CNKSR1: variants seen among roughly 807,000 people sequenced by gnomAD.
CNKSR1 encodes connector enhancer of kinase suppressor of Ras 1.
A neutral mutation model predicts 95.6 loss-of-function variants in CNKSR1; 88 were observed. That is an observed-to-expected ratio of 0.92 (90% CI 0.78 to 1.10). The LOEUF (loss-of-function observed/expected upper bound fraction) is 1.10, where lower values mean the gene tolerates loss of function less well. Among genes scored for constraint, CNKSR1 ranks in the 50% least tolerant of loss-of-function variants. The probability of loss-of-function intolerance (pLI) is 0.00; values close to 1 mark genes in which losing one functional copy is unlikely to be tolerated. For synonymous variants in CNKSR1, 355 were observed against 369.7 expected (o/e 0.96, Z 0.46); for missense variants, 836 against 912.0 (o/e 0.92, Z 1.07).
rs1417300291 is a variant in CNKSR1 at position 26,189,714 on chromosome 1, C to G, written c.*166C>G. 1.4e-6 allele frequency: 1 copy of G among 728,594 alleles called. No individual in the cohort carries two copies. The highest frequency in any genetic ancestry group is 2.5e-6 in the Non-Finnish European group (1 of 399,092). 45.1% of individuals were successfully genotyped at this position (728,594 alleles called of 1,614,324 possible). A position where few individuals can be genotyped will look rare whatever the true frequency, so the allele number is the denominator to read the frequency against. On this transcript the variant is annotated 3_prime_UTR_variant, in exon 21 of 21. Coordinates refer to ENST00000361530, the MANE Select transcript of CNKSR1 (RefSeq NM_006314.3). ...ACCCCTCTGCCTGGGCTTTGTGCCA[C>G]CCTCTCCCTTGCCAAAGAAGAAACT...
Position 26,184,612 on chromosome 1 carries a change from G to A in CNKSR1, c.1135G>A (p.Gly379Ser), listed in dbSNP as rs1360567098. The change falls in exon 13 of 21, where the codon GGC (glycine) becomes AGC (serine). Residue 379 changes from glycine to serine, a missense_variant and splice_region_variant. Gly to Ser is a moderately conservative substitution (Grantham distance 56). Coordinates refer to ENST00000361530, the MANE Select transcript of CNKSR1 (RefSeq NM_006314.3). Reference protein sequence around the residue: ...KSPVGRKKSKGLATRLSRRRV... With the variant: ...KSPVGRKKSKSLATRLSRRRV... ...TCCTGTTGGTCGGAAGAAATCAAAA[G>A]GTATGAGGTGCGCTGGACTAGGTGG... 1 of 1,601,692 alleles carries A rather than the reference G, an allele frequency of 6.2e-7. No homozygotes were observed.
In CNKSR1 at chr1:26,180,872, A is replaced by C; in HGVS notation, c.368A>C (p.Asp123Ala). ...GCTGTGGAGCTGTTGCATGAAGCTGACGCCCTCCTCTTCTGGCTCAGCAGG... is the reference window on the plus strand; with the variant it reads ...GCTGTGGAGCTGTTGCATGAAGCTGCCGCCCTCCTCTTCTGGCTCAGCAGG... ...CAAVELLHEA[D>A]ALLFWLSRYL... The change falls in exon 3 of 21, where the codon GAC (aspartate) becomes GCC (alanine). Residue 123 changes from aspartate to alanine, a missense_variant. Physicochemically the swap from Asp to Ala is moderately radical, Grantham distance 126. Transcript: ENST00000361530. 1 of 1,614,194 alleles carries C rather than the reference A, an allele frequency of 6.2e-7. No homozygotes were observed. The highest frequency in any genetic ancestry group is 8.5e-7 in the Non-Finnish European group (1 of 1,180,040).
chr1:26,185,925 G>C (rs2088742730), intron 14 of CNKSR1, among the ~76,000 whole-genome samples: 1 of 152,178 alleles, frequency 6.6e-6, no homozygotes. Context: ...TATTCATTCA[G>C]GATTCAGGTG....
Position 26,181,916 on chromosome 1 carries a change from A to G in CNKSR1, c.452A>G (p.Glu151Gly). The change falls in exon 4 of 21, where the codon GAG becomes GGG. Residue 151 changes from glutamate to glycine, a missense_variant. Physicochemically the swap from Glu to Gly is moderately conservative, Grantham distance 98. Coordinates refer to ENST00000361530, the MANE Select transcript of CNKSR1 (RefSeq NM_006314.3). The stretch of plus-strand genomic sequence containing the variant: ...TGCCAGGAGATCCGAGACTTGTTGG[A>G]GGAGCTGAGCCAGGTCTTGCATGAG... ...SACQEIRDLL[E>G]ELSQVLHEDG... 2.5e-6 allele frequency: 4 copies of G among 1,614,020 alleles called. No individual in the cohort carries two copies. The highest frequency in any genetic ancestry group is 3.4e-6 in the Non-Finnish European group (4 of 1,179,902).
Position 26,188,962 on chromosome 1 carries a change from G to A in CNKSR1, c.1872+9G>A. On this transcript the variant is annotated intron_variant, in intron 20 of 20. Coordinates refer to ENST00000361530, the MANE Select transcript of CNKSR1 (RefSeq NM_006314.3). ...TACAGAGCACACTCAAGGTCAGCTG[G>A]GGGGCTCTGGGCACAGCAAGGGACT... 6.2e-7 allele frequency: 1 copy of A among 1,612,648 alleles called. No individual in the cohort carries two copies. Among genetic ancestry groups the A allele is most frequent in the Non-Finnish European group, 8.5e-7 (1 of 1,179,324 alleles).
At chr1:26,181,722 A>T in intron 3 of CNKSR1, 135 bp from the exon 4 acceptor site, 1 of 782,564 alleles carries the variant, frequency 1.3e-6, no homozygotes, top group Non-Finnish European at 2.2e-6. Flanking sequence ...TGTCTCAATC[A>T]TCTCCTTTAC....
At chr1:26,186,029 G>T (rs1557624058) in intron 14 of CNKSR1, among the ~76,000 whole-genome samples, 1 of 152,174 alleles carries the variant, frequency 6.6e-6, no homozygotes, top group Non-Finnish European at 1.5e-5. Context: ...TAGTAGGGGA[G>T]AGGGATGAAT....
At position 26,182,476 on chromosome 1, in the gene CNKSR1, C is replaced by T. The variant is rs188897340; in HGVS notation, c.520-4C>T. ...AGGCTACATAGCCCGCTCCCCTCCC[C>T]CAGTGCAGCCACGTGGCTGGGATCT... is the stretch of plus-strand genomic sequence containing the variant. On this transcript the variant is annotated splice_region_variant and splice_polypyrimidine_tract_variant and intron_variant, in intron 5 of 20. Transcript: ENST00000361530. The T allele has an allele frequency of 2.5e-4, 411 of 1,614,018 alleles. 10 individuals are homozygous for T. The East Asian group carries it at 9.1e-3, about 36-fold the overall frequency.
In CNKSR1 at chr1:26,183,430, G is replaced by C; in HGVS notation, c.753+16G>C. 1 of 1,613,800 alleles carries C rather than the reference G, an allele frequency of 6.2e-7. No homozygotes were observed. The highest frequency in any genetic ancestry group is 8.5e-7 in the Non-Finnish European group (1 of 1,179,760). ...GCAGGTGGTGGTGCGTGAGGAGAGG[G>C]ACATGGTAGGAGGTGAAGGGGTCAC... On this transcript the variant is annotated intron_variant, in intron 8 of 20. Coordinates refer to ENST00000361530, the MANE Select transcript of CNKSR1 (RefSeq NM_006314.3).
At chr1:26,188,164 T>C in intron 16 of CNKSR1, 70 bp from the exon 17 acceptor site, 4 of 1,327,294 alleles carry the variant, frequency 3.0e-6, no homozygotes, top group Non-Finnish European at 4.3e-6. Flanking sequence ...ATGATGTGGG[T>C]AAAAAGCCCC....
At chr1:26,182,190 A>G in intron 4 of CNKSR1, 171 bp from the exon 5 acceptor site, 1 of 733,840 alleles carries the variant, frequency 1.4e-6, no homozygotes, top group Non-Finnish European at 2.3e-6. Flanking sequence ...GCCTGGTATC[A>G]GGGAAACGAG....
rs767394145 is a variant in CNKSR1 at position 26,184,571 on chromosome 1, TG to T, written c.1108-13del. On this transcript the variant is annotated splice_polypyrimidine_tract_variant and intron_variant, in intron 12 of 20. Transcript: ENST00000361530. The stretch of plus-strand genomic sequence containing the variant: ...GACCTAGATCCTTCTCTCACCCTTC[TG>T]CTGTCCTTTCAGAGTCCTGTTGGTC... The T allele has an allele frequency of 6.2e-7, 1 of 1,608,054 alleles. No homozygotes were observed. Among genetic ancestry groups the T allele is most frequent in the Non-Finnish European group, 8.5e-7 (1 of 1,177,408 alleles).
intron 17 of CNKSR1, 66 bp downstream of exon 17, chr1:26,188,373 G>T: frequency 1.2e-6 from 2 of 1,610,134 alleles, no homozygotes; most frequent in Non-Finnish European, 1.7e-6. Context: ...CTGGGATGGG[G>T]GCTAGGAACT....
intron 14 of CNKSR1, 146 bp downstream of exon 14, chr1:26,185,332 G>T (rs541353059): frequency 6.9e-6 from 6 of 869,928 alleles, no homozygotes; most frequent in Non-Finnish European, 1.1e-5. Context: ...AGAGAGAAAT[G>T]AGTTAATATA....
rs766898796 is a variant in CNKSR1, at chr1:26,188,473, G to A, written c.1560G>A (p.Pro520=). ...DCYSETEAED[P]DDEAGSHSAS... ...ACAGTGAGACCGAAGCAGAGGACCC[G>A]GACGATGAGGCTGGGTCCCACTCAG... is the stretch of plus-strand genomic sequence containing the variant. Residue 520 remains proline, a synonymous_variant, in exon 18 of 21, where the codon CCG becomes CCA. Coordinates refer to ENST00000361530, the MANE Select transcript of CNKSR1 (RefSeq NM_006314.3). The A allele has an allele frequency of 3.0e-5, 48 of 1,604,864 alleles. No individual in the cohort carries two copies. Among genetic ancestry groups the A allele is most frequent in the African/African-American group, 2.7e-5 (2 of 74,774 alleles).
intron 3 of CNKSR1, 89 bp from the exon 4 acceptor site, chr1:26,181,768 C>T: frequency 2.3e-6 from 3 of 1,281,782 alleles, no homozygotes; most frequent in South Asian, 1.2e-5. Context: ...GTATTATCCC[C>T]AAGTCTCTGA....
chr1:26,180,822 G>C lies in CNKSR1; in HGVS notation c.318G>C (p.Lys106Asn). The C allele has an allele frequency of 6.2e-7, 1 of 1,614,212 alleles. No individual in the cohort carries two copies. Among genetic ancestry groups the C allele is most frequent in the Non-Finnish European group, 8.5e-7 (1 of 1,180,042 alleles). The part of the protein sequence containing the change: ...IVQGCLGDCA[K>N]TPIDVLCAAV... ...AAGGCTGCCTGGGGGACTGTGCCAAGACCCCTATTGATGTCCTCTGTGCAG... is the reference window on the plus strand; with the variant it reads ...AAGGCTGCCTGGGGGACTGTGCCAACACCCCTATTGATGTCCTCTGTGCAG... The change falls in exon 3 of 21, where the codon AAG (lysine) becomes AAC (asparagine). Residue 106 changes from lysine (K) to asparagine (N), a missense_variant. Lys to Asn is a moderately conservative substitution (Grantham distance 94). Transcript: ENST00000361530.
chr1:26,188,494 C>CCGAA lies in CNKSR1; in HGVS notation c.1581_1582insCGAA (p.Ser528ArgfsTer41). On this transcript the variant is annotated frameshift_variant, in exon 18 of 21. Transcript: ENST00000361530. LOFTEE classifies it high-confidence loss of function. ...ACCCGGACGATGAGGCTGGGTCCCA[C>CCGAA]TCAGCCTCGGTGAGTGGGGGGCTGC... The CCGAA allele has an allele frequency of 6.2e-7, 1 of 1,603,926 alleles. No homozygotes were observed. Among genetic ancestry groups the CCGAA allele is most frequent in the Non-Finnish European group, 8.5e-7 (1 of 1,175,520 alleles).
chr1:26,181,680 T>C, intron 3 of CNKSR1, 177 bp from the exon 4 acceptor site: 1 of 656,784 alleles, frequency 1.5e-6, no homozygotes, highest in Non-Finnish European at 2.8e-6. Flanking sequence ...GGTAGGCACA[T>C]GACAAATAAG....
Sources: gnomAD v4.1 joint callset for allele counts (sites outside exome capture counted in the v4.1 genomes callset) on GRCh38, gnomAD v4.1.1 for gene constraint, MANE v1.5 for transcripts, NCBI Gene and HGNC (gene_info 2026-07-23, HGNC 2026-07-21) for gene names.